The following FRMD4B variants were observed in gnomAD, a reference collection of about 807,000 sequenced individuals.
FRMD4B encodes FERM domain containing 4B, also known as FERM domain-containing protein 4B.
Under a neutral mutation model 141.5 loss-of-function variants are expected in FRMD4B, and 74 were observed. The observed-to-expected ratio is 0.52, with a 90% CI of 0.43 to 0.63. FRMD4B has a LOEUF of 0.63. Ranked by LOEUF, FRMD4B falls within the 30% of genes least tolerant of loss-of-function variation. FRMD4B has a pLI of 0.00. For synonymous variants in FRMD4B, 506 were observed against 467.9 expected, an observed-to-expected ratio of 1.08 and a Z score of -1.05; for missense variants, 1,366 against 1,253.4, an observed-to-expected ratio of 1.09 and a Z score of -1.36.
At chr3:69,323,626 AT>A in intron 1 of FRMD4B, among the ~76,000 whole-genome samples, 1 of 52,412 alleles carries the variant, frequency 1.9e-5, no homozygotes. Context: ...ATATATATAT[AT>A]ATATATATAT....
At chr3:69,506,098 T>C (rs750727884) in intron 1 of FRMD4B, among the ~76,000 whole-genome samples, 1 of 152,158 alleles carries the variant, frequency 6.6e-6, no homozygotes, top group Non-Finnish European at 1.5e-5. Flanking sequence ...CACTGACCTT[T>C]CTGGTCACAA....
rs925381740 is a variant in FRMD4B at position 69,535,300 on chromosome 3, G to A, written c.-129+6906C>T. Among the ~76,000 whole-genome samples the A allele has an allele frequency of 4.6e-5, 7 of 152,120 alleles. No individual in the cohort carries two copies. The East Asian group carries it at 1.4e-3, about 29-fold the overall frequency. ...ACTCAACAAATATTATGTGATTTTG[G>A]CCAAGTGGCAACCTCACAACCAGTT... On this transcript the variant is annotated intron_variant, in intron 1 of 5. Coordinates refer to the FRMD4B transcript ENST00000459638.
chr3:69,416,591 T>G (rs1704866289), intron 2 of FRMD4B, among the ~76,000 whole-genome samples: 1 of 152,196 alleles, frequency 6.6e-6, no homozygotes, highest in South Asian at 2.1e-4. Flanking sequence ...TGTGCAGGTT[T>G]GTTACATAGG....
intron 1 of FRMD4B, among the ~76,000 whole-genome samples, chr3:69,529,196 A>G (rs1391770): frequency 0.6 from 90,847 of 152,100 alleles, 29,166 homozygotes; most frequent in African/African-American, 0.86. Context: ...CTGCCATGTG[A>G]GAATGCAGCC....
chr3:69,402,318 C>G (rs1157679403), intron 2 of FRMD4B, among the ~76,000 whole-genome samples: 1 of 152,208 alleles, frequency 6.6e-6, no homozygotes, highest in Non-Finnish European at 1.5e-5. Context: ...GAAGCCAATA[C>G]AGAGAGCTGA....
intron 1 of FRMD4B, among the ~76,000 whole-genome samples, chr3:69,379,066 T>C (rs1575777234): frequency 6.6e-6 from 1 of 152,228 alleles, no homozygotes; most frequent in African/African-American, 2.4e-5. Context: ...ATACATTTTC[T>C]GAAGGCAAGA....
chr3:69,502,731 A>G (rs1706520489), intron 1 of FRMD4B, among the ~76,000 whole-genome samples: 1 of 152,118 alleles, frequency 6.6e-6, no homozygotes, highest in South Asian at 2.1e-4. Flanking sequence ...AAAAACTACC[A>G]TCGGAGTGAA....
chr3:69,177,290 C>G (rs9853318), intron 21 of FRMD4B, among the ~76,000 whole-genome samples: 134,918 of 152,180 alleles, frequency 0.89, 61,407 homozygotes, highest in Non-Finnish European at 0.99. Context: ...AGTGAACCAA[C>G]ATCACACCAC....
chr3:69,217,339 G>T (rs900857948), intron 10 of FRMD4B, among the ~76,000 whole-genome samples: 9 of 152,074 alleles, frequency 5.9e-5, no homozygotes, highest in Admixed American at 2.0e-4. Flanking sequence ...TTAAATTGGA[G>T]GCCAGGCGTG....
chr3:69,536,392 G>A, intron 1 of FRMD4B: 1 of 714,140 alleles, frequency 1.4e-6, no homozygotes. Context: ...GCACATGCCA[G>A]TGGCCAGCGC....
intron 1 of FRMD4B, among the ~76,000 whole-genome samples, chr3:69,479,677 T>C (rs1408468772): frequency 6.6e-6 from 1 of 152,166 alleles, no homozygotes; most frequent in Non-Finnish European, 1.5e-5. Context: ...CTCTGACAAT[T>C]ATGTGTCTTG....
At chr3:69,405,880 C>A (rs903212111) in intron 2 of FRMD4B, among the ~76,000 whole-genome samples, 3 of 152,112 alleles carry the variant, frequency 2.0e-5, no homozygotes, top group African/African-American at 7.2e-5. Context: ...GGATAGGCAC[C>A]ATATTAATAG....
At chr3:69,212,155 T>A (rs1575614379) in intron 11 of FRMD4B, among the ~76,000 whole-genome samples, 2 of 147,898 alleles carry the variant, frequency 1.4e-5, no homozygotes, top group South Asian at 4.3e-4. Flanking sequence ...AGGTCAGGAG[T>A]TCGAGACCAG....
intron 1 of FRMD4B, among the ~76,000 whole-genome samples, chr3:69,328,730 A>T (rs1458773755): frequency 3.3e-5 from 5 of 152,182 alleles, no homozygotes; most frequent in African/African-American, 4.8e-5. Flanking sequence ...ATGCTTTAAG[A>T]CACTCTCACC....
intron 1 of FRMD4B, among the ~76,000 whole-genome samples, chr3:69,331,230 T>C (rs150790090): frequency 3.0e-4 from 45 of 152,278 alleles, no homozygotes; most frequent in African/African-American, 1.1e-3. Context: ...GGACAGGGGA[T>C]TATGCAAACT....
intron 1 of FRMD4B, among the ~76,000 whole-genome samples, chr3:69,316,698 T>C (rs1390172938): frequency 1.3e-5 from 2 of 152,158 alleles, no homozygotes; most frequent in Non-Finnish European, 2.9e-5. Flanking sequence ...GTGTAGGCCC[T>C]ACAGAAAGAT....
upstream of FRMD4B, among the ~76,000 whole-genome samples, chr3:69,386,893 T>C (rs1237894088): frequency 6.6e-6 from 1 of 152,186 alleles, no homozygotes; most frequent in Non-Finnish European, 1.5e-5. Context: ...CATAAGAGAA[T>C]CGGTGGTTTA....
chr3:69,521,436 G>T (rs1474202261), intron 1 of FRMD4B, among the ~76,000 whole-genome samples: 1 of 152,176 alleles, frequency 6.6e-6, no homozygotes, highest in Non-Finnish European at 1.5e-5. Context: ...ATCATCACCT[G>T]ACTGAGGCAT....
chr3:69,528,899 T>A (rs1396748741), intron 1 of FRMD4B, among the ~76,000 whole-genome samples: 2 of 152,122 alleles, frequency 1.3e-5, no homozygotes, highest in Non-Finnish European at 2.9e-5. Flanking sequence ...TATACACCCC[T>A]TAGTTTCACT....
Sources: gnomAD v4.1 joint callset for allele counts (sites outside exome capture counted in the v4.1 genomes callset) on GRCh38, gnomAD v4.1.1 for gene constraint, MANE v1.5 for transcripts, NCBI Gene and HGNC (gene_info 2026-07-23, HGNC 2026-07-21) for gene names.